Variants in CERS6 observed in about 807,000 individuals in gnomAD.
The protein encoded by CERS6 is LAG1 homolog, ceramide synthase 6.
In CERS6, 26 loss-of-function variants were observed where a neutral mutation model predicts 56.8. The ratio of observed to expected loss-of-function variants is 0.46; its 90% CI spans 0.34 to 0.63. The LOEUF (loss-of-function observed/expected upper bound fraction) is 0.63. CERS6 is among the 30% of genes least tolerant of loss of function. The pLI is 0.01. For missense variants in CERS6, 415 were observed against 467.5 expected (o/e 0.89, Z 1.04); for synonymous variants, 164 against 173.3 (o/e 0.95, Z 0.42).
chr2:168,733,218 G>A (rs529104400), intron 8 of CERS6, among the ~76,000 whole-genome samples: 156 of 152,274 alleles, frequency 1.0e-3, no homozygotes, highest in African/African-American at 3.6e-3. Flanking sequence ...AAACCCAACA[G>A]TTTCATTGAA....
At chr2:168,497,141 T>C (rs1455170894) in intron 1 of CERS6, among the ~76,000 whole-genome samples, 3 of 151,922 alleles carry the variant, frequency 2.0e-5, no homozygotes, top group Admixed American at 2.0e-4. Flanking sequence ...CTGAAAGGAG[T>C]AGAATACTCT....
intron 1 of CERS6, among the ~76,000 whole-genome samples, chr2:168,501,586 T>C (rs567608946): frequency 6.6e-6 from 1 of 151,840 alleles, no homozygotes; most frequent in African/African-American, 2.4e-5. Flanking sequence ...AAGGAGAGAG[T>C]CAATGTTCTC....
intron 1 of CERS6, among the ~76,000 whole-genome samples, chr2:168,523,709 G>A (rs868007062): frequency 6.6e-5 from 10 of 152,102 alleles, no homozygotes; most frequent in Non-Finnish European, 1.2e-4. Context: ...GGAGAGAGGC[G>A]TGGAGGTTCA....
chr2:168,531,423 T>C (rs1474968977), intron 1 of CERS6, among the ~76,000 whole-genome samples: 1 of 152,216 alleles, frequency 6.6e-6, no homozygotes, highest in African/African-American at 2.4e-5. Flanking sequence ...AAAATCTGGC[T>C]TGGAGAAAGG....
intron 8 of CERS6, among the ~76,000 whole-genome samples, chr2:168,763,246 T>TA (rs2105462532): frequency 6.9e-6 from 1 of 145,256 alleles, no homozygotes; most frequent in South Asian, 2.3e-4. Context: ...CTCTCTTTTT[T>TA]TTTTTTTTTT....
chr2:168,714,420 A>G lies in CERS6; in HGVS notation c.610-581A>G, dbSNP rs993574835. ...CCTACTGTCCCTTCATAGATGCCAC[A>G]CTCTGGTCAAAGACACAGCCAATAC... On this transcript the variant is annotated intron_variant, in intron 6 of 9. Coordinates refer to ENST00000305747, the MANE Select transcript of CERS6 (RefSeq NM_203463.3). Among the ~76,000 whole-genome samples the G allele has an allele frequency of 8.5e-5, 13 of 152,148 alleles. 1 individual carries two copies. The highest frequency in any genetic ancestry group is 2.0e-4 in the Admixed American group (3 of 15,294).
At chr2:168,692,111 G>A (rs1396464662) in intron 5 of CERS6, among the ~76,000 whole-genome samples, 3 of 152,116 alleles carry the variant, frequency 2.0e-5, no homozygotes, top group African/African-American at 7.2e-5. Flanking sequence ...CTTACGAGTG[G>A]TTTTTTCACA....
chr2:168,613,978 TTGTG>T (rs1332362435), intron 3 of CERS6, among the ~76,000 whole-genome samples: 5 of 152,190 alleles, frequency 3.3e-5, no homozygotes, highest in Non-Finnish European at 5.9e-5. Context: ...AAGAACTTCA[TTGTG>T]TGCATTGTAA....
chr2:168,551,401 G>C (rs994097490), intron 2 of CERS6, among the ~76,000 whole-genome samples: 4 of 152,102 alleles, frequency 2.6e-5, no homozygotes, highest in Non-Finnish European at 5.9e-5. Context: ...GTTACACCTG[G>C]ATATTTGTGT....
intron 5 of CERS6, among the ~76,000 whole-genome samples, chr2:168,694,517 T>G (rs116092394): frequency 0.025 from 3,877 of 152,302 alleles, 153 homozygotes; most frequent in African/African-American, 0.086. Flanking sequence ...TTCTGATTAA[T>G]GCAGAACTTA....
intron 3 of CERS6, among the ~76,000 whole-genome samples, chr2:168,620,011 C>CCACACACACACACACACA (rs1491366442): frequency 5.4e-5 from 2 of 37,240 alleles, no homozygotes; most frequent in African/African-American, 8.0e-5. Context: ...GTTCCACAAT[C>CCACACACACACACACACA]CATACACACA....
chr2:168,722,512 A>G (rs1683212803), intron 8 of CERS6, among the ~76,000 whole-genome samples: 1 of 152,294 alleles, frequency 6.6e-6, no homozygotes, highest in Admixed American at 6.5e-5. Flanking sequence ...ATATTCAGTC[A>G]TCCCCACACC....
intron 8 of CERS6, among the ~76,000 whole-genome samples, chr2:168,757,313 T>C (rs573036226): frequency 7.0e-6 from 1 of 143,118 alleles, no homozygotes; most frequent in East Asian, 2.0e-4. Context: ...GAATTAAGAA[T>C]GCAGGCAGAC....
intron 8 of CERS6, among the ~76,000 whole-genome samples, chr2:168,724,266 C>G (rs531660733): frequency 6.6e-6 from 1 of 152,180 alleles, no homozygotes; most frequent in South Asian, 2.1e-4. Context: ...GGCTCGTGGT[C>G]TCGCTGGCTC....
At chr2:168,471,949 A>C (rs528848819) in intron 1 of CERS6, among the ~76,000 whole-genome samples, 36 of 152,138 alleles carry the variant, frequency 2.4e-4, no homozygotes, top group Non-Finnish European at 2.9e-4. Flanking sequence ...TCTGAGGCCC[A>C]GTTCGAATCT....
chr2:168,598,560 G>A (rs574744284), intron 3 of CERS6, among the ~76,000 whole-genome samples: 5 of 152,002 alleles, frequency 3.3e-5, no homozygotes, highest in African/African-American at 7.2e-5. Flanking sequence ...CATGGTACTC[G>A]TAAACCCTAA....
chr2:168,752,928 A>G (rs917005965), intron 8 of CERS6, among the ~76,000 whole-genome samples: 3 of 152,238 alleles, frequency 2.0e-5, no homozygotes, highest in Non-Finnish European at 2.9e-5. Context: ...TAGGTTAAAA[A>G]TCAGAGAAAC....
At chr2:168,589,895 G>T (rs1306519257) in intron 3 of CERS6, among the ~76,000 whole-genome samples, 4 of 152,178 alleles carry the variant, frequency 2.6e-5, no homozygotes, top group Non-Finnish European at 5.9e-5. Flanking sequence ...TCCAAGAAAT[G>T]GTATTTCTGG....
intron 8 of CERS6, among the ~76,000 whole-genome samples, chr2:168,759,380 T>C (rs889240616): frequency 1.3e-5 from 2 of 152,146 alleles, no homozygotes; most frequent in African/African-American, 4.8e-5. Flanking sequence ...CCCGCGTGAG[T>C]ATGTACTGTT....
Sources: allele counts gnomAD v4.1 joint callset (sites outside exome capture counted in the v4.1 genomes callset), GRCh38; gene constraint gnomAD v4.1.1; transcripts MANE v1.5; gene names NCBI Gene and HGNC (gene_info 2026-07-23, HGNC 2026-07-21).